The following TMEM272 variants were observed in gnomAD, a reference collection of about 807,000 sequenced individuals.
The protein encoded by TMEM272 is transmembrane protein 272, also known as long intergenic non-protein coding RNA 282.
A neutral mutation model predicts 3.7 loss-of-function variants in TMEM272; 8 were observed. The ratio of observed to expected loss-of-function variants is 2.17; its 90% confidence interval spans 1.27 to 3.91. The LOEUF (loss-of-function observed/expected upper bound fraction) is 3.91, where lower values mean the gene tolerates loss of function less well. Among genes scored for constraint, TMEM272 ranks in the 30% most tolerant of loss-of-function variants. The probability of loss-of-function intolerance (pLI) is 0.00; values close to 1 mark genes in which losing one functional copy is unlikely to be tolerated. For synonymous variants in TMEM272, 63 were observed against 39.8 expected (o/e 1.58, Z -2.20); for missense variants, 166 against 91.5 (o/e 1.81, Z -3.32).
chr13:51,910,291 A>C, the TMEM272 span: 1 of 1,426,008 alleles, frequency 7.0e-7, no homozygotes, highest in Non-Finnish European at 9.9e-7. Flanking sequence ...TCCTCTAAAG[A>C]TGACTCTACT....
chr13:51,823,062 C>T (rs1425498210), intron 3 of TMEM272, among the ~76,000 whole-genome samples: 2 of 152,124 alleles, frequency 1.3e-5, no homozygotes, highest in African/African-American at 4.8e-5. Flanking sequence ...GGCTGTGGGA[C>T]ACCTTGGGGC....
chr13:51,903,416 G>A, the TMEM272 span, among the ~76,000 whole-genome samples: 4 of 152,138 alleles, frequency 2.6e-5, no homozygotes, highest in Non-Finnish European at 4.4e-5. Flanking sequence ...TGGGAGGGAG[G>A]GAGAGGTGGC....
intron 3 of TMEM272, among the ~76,000 whole-genome samples, chr13:51,822,607 G>A (rs1012510790): frequency 2.6e-5 from 4 of 151,982 alleles, no homozygotes; most frequent in Admixed American, 6.6e-5. Context: ...CAGGGGCCAG[G>A]TGGCAGGGAG....
chr13:51,843,193 C>T (rs1482306104), intron 1 of TMEM272, among the ~76,000 whole-genome samples: 3 of 152,120 alleles, frequency 2.0e-5, no homozygotes, highest in Non-Finnish European at 4.4e-5. Context: ...TGTATGTTCC[C>T]CCTTGTGATT....
At chr13:51,874,574 T>A in the TMEM272 span, among the ~76,000 whole-genome samples, 33 of 152,210 alleles carry the variant, frequency 2.2e-4, no homozygotes, top group Middle Eastern at 6.8e-3. Context: ...GAACCACACA[T>A]CTAGGTTTGT....
At chr13:51,894,062 AC>A in the TMEM272 span, among the ~76,000 whole-genome samples, 1 of 152,256 alleles carries the variant, frequency 6.6e-6, no homozygotes, top group African/African-American at 2.4e-5. Flanking sequence ...CTAAATGGAT[AC>A]AGACACACCA....
chr13:51,824,270 G>A (rs1956104437), intron 3 of TMEM272, among the ~76,000 whole-genome samples: 1 of 152,204 alleles, frequency 6.6e-6, no homozygotes, highest in Non-Finnish European at 1.5e-5. Flanking sequence ...CTGATCTGCA[G>A]TATCACGATT....
chr13:51,893,908 TTAAA>T, the TMEM272 span, among the ~76,000 whole-genome samples: 1 of 152,128 alleles, frequency 6.6e-6, no homozygotes, highest in Non-Finnish European at 1.5e-5. Context: ...TTTGTATGAT[TTAAA>T]TAATAACGAA....
the TMEM272 span, among the ~76,000 whole-genome samples, chr13:51,911,916 G>C: frequency 1.1e-4 from 17 of 151,442 alleles, no homozygotes; most frequent in Non-Finnish European, 2.4e-4. Flanking sequence ...GCCTTTCCCT[G>C]AACACAACAA....
the TMEM272 span, chr13:51,932,641 C>T: frequency 6.6e-6 from 1 of 152,228 alleles, no homozygotes; most frequent in Non-Finnish European, 1.5e-5. Flanking sequence ...GCACTGGCCT[C>T]TGACCACGCA....
chr13:51,857,928 C>A, the TMEM272 span, among the ~76,000 whole-genome samples: 1 of 152,002 alleles, frequency 6.6e-6, no homozygotes, highest in Non-Finnish European at 1.5e-5. Context: ...AAAAGATACA[C>A]CATGCAAACA....
chr13:51,910,357 T>G, the TMEM272 span: 1 of 1,173,190 alleles, frequency 8.5e-7, no homozygotes, highest in Non-Finnish European at 1.3e-6. Context: ...AGTCTACATT[T>G]TTCTTCAATT....
At chr13:51,819,207 G>C (rs569239677) in intron 4 of TMEM272, among the ~76,000 whole-genome samples, 166 of 152,316 alleles carry the variant, frequency 1.1e-3, no homozygotes, top group Admixed American at 1.7e-3. Flanking sequence ...CTCTGAGGGG[G>C]AGTGGTGTGG....
the TMEM272 span, among the ~76,000 whole-genome samples, chr13:51,890,827 T>C: frequency 6.6e-6 from 1 of 152,244 alleles, no homozygotes; most frequent in East Asian, 1.9e-4. Context: ...TTTCTGTCTA[T>C]AAAACTAAAG....
At position 51,815,322 on chromosome 13, in the gene TMEM272, T is replaced by C. The variant is rs1291494658; in HGVS notation, c.*1429A>G. 1 of 152,654 alleles carries C rather than the reference T, an allele frequency of 6.6e-6. No homozygotes were observed. The highest frequency in any genetic ancestry group is 1.9e-4 in the East Asian group (1 of 5,188). 9.5% of individuals were successfully genotyped at this position (152,654 alleles called of 1,614,324 possible). A position where few individuals can be genotyped will look rare whatever the true frequency, so the allele number is the denominator to read the frequency against. On this transcript the variant is annotated 3_prime_UTR_variant, in exon 5 of 5. Coordinates refer to ENST00000629372, the MANE Select transcript of TMEM272 (RefSeq NM_001351003.2). ...AGATGGCACACCAAGCACTTTCTTC[T>C]CACCTGGGAGGAAAGGGGGACTAAC...
At chr13:51,908,126 A>T in the TMEM272 span, 1 of 501,362 alleles carries the variant, frequency 2.0e-6, no homozygotes, top group East Asian at 3.3e-5. Context: ...CAATTTGAGC[A>T]AAAGTGTAAT....
the TMEM272 span, among the ~76,000 whole-genome samples, chr13:51,929,298 C>T: frequency 2.6e-5 from 4 of 152,284 alleles, no homozygotes; most frequent in Non-Finnish European, 5.9e-5. Flanking sequence ...AACATGTACT[C>T]TGCACTAAAT....
chr13:51,875,230 A>G, the TMEM272 span, among the ~76,000 whole-genome samples: 1 of 152,212 alleles, frequency 6.6e-6, no homozygotes, highest in Non-Finnish European at 1.5e-5. Context: ...TTGGTTACAA[A>G]TGAGAAACCT....
At chr13:51,932,398 C>T in the TMEM272 span, 2 of 152,332 alleles carry the variant, frequency 1.3e-5, no homozygotes, top group Non-Finnish European at 2.9e-5. Flanking sequence ...AGCCTGTGTC[C>T]GATCCAGCGG....
Sources: gnomAD v4.1 joint callset for allele counts (sites outside exome capture counted in the v4.1 genomes callset) on GRCh38, gnomAD v4.1.1 for gene constraint, MANE v1.5 for transcripts, NCBI Gene and HGNC (gene_info 2026-07-23, HGNC 2026-07-21) for gene names.